The following VPS53 variants were observed in gnomAD, a reference collection of about 807,000 sequenced individuals.
VPS53 encodes the protein VPS53 subunit of GARP complex.
In VPS53, 70 loss-of-function variants were observed where a neutral mutation model predicts 107.0. The ratio of observed to expected loss-of-function variants is 0.65; its 90% CI spans 0.54 to 0.80. VPS53 has a LOEUF of 0.80. Ranked by LOEUF, VPS53 falls within the 30% of genes least tolerant of loss-of-function variation. The pLI, the probability that VPS53 is intolerant of heterozygous loss-of-function variation, is 0.00. For synonymous variants in VPS53, 409 were observed against 393.3 expected (o/e 1.04, Z -0.47); for missense variants, 917 against 1,049.4 (o/e 0.87, Z 1.74).
chr17:693,459 T>C (rs1001780245), intron 4 of VPS53, among the ~76,000 whole-genome samples: 2 of 152,172 alleles, frequency 1.3e-5, no homozygotes, highest in Non-Finnish European at 2.9e-5. Flanking sequence ...AAGTGTCTCA[T>C]GCCTATAATC....
intron 18 of VPS53, 70 bp downstream of exon 18, chr17:536,958 A>G: frequency 6.3e-7 from 1 of 1,576,028 alleles, no homozygotes; most frequent in South Asian, 1.2e-5. Flanking sequence ...TGTGAACCTG[A>G]AACTGTTCTA....
In VPS53 at chr17:551,837, G is replaced by A. The variant is rs370574638; in HGVS notation, c.1866+35C>T. On this transcript the variant is annotated intron_variant, in intron 17 of 21. Transcript: ENST00000437048. The stretch of plus-strand genomic sequence containing the variant: ...GTAGAAGCCACCTTGGGCTGCTCTC[G>A]TTAGTTTGTAGGATGCCATTTCCCA... 20 of 1,541,818 alleles carry A rather than the reference G, an allele frequency of 1.3e-5. No individual in the cohort carries two copies. The Admixed American group carries it at 1.5e-4, about 12-fold the overall frequency.
chr17:569,422 G>A (rs2151862000), intron 13 of VPS53, among the ~76,000 whole-genome samples: 1 of 152,234 alleles, frequency 6.6e-6, no homozygotes, highest in South Asian at 2.1e-4. Flanking sequence ...TAAGAAATCT[G>A]TACTATTTGT....
chr17:638,610 GGT>G (rs1970295325), intron 7 of VPS53, among the ~76,000 whole-genome samples: 1 of 152,074 alleles, frequency 6.6e-6, no homozygotes. Context: ...GGGCAGGCCT[GGT>G]GGTGAAAAAA....
At chr17:534,973 C>T (rs1157738016) in intron 18 of VPS53, among the ~76,000 whole-genome samples, 1 of 151,148 alleles carries the variant, frequency 6.6e-6, no homozygotes, top group African/African-American at 2.4e-5. Context: ...CTATACTAGT[C>T]TACAGGTGGC....
intron 4 of VPS53, among the ~76,000 whole-genome samples, chr17:669,889 TAA>T (rs1002640028): frequency 1.2e-4 from 16 of 132,312 alleles, no homozygotes; most frequent in Admixed American, 2.3e-4. Flanking sequence ...AGACTCCATC[TAA>T]AAAAAAAAAA....
At chr17:698,834 C>T (rs1164047984) in intron 3 of VPS53, among the ~76,000 whole-genome samples, 2 of 152,126 alleles carry the variant, frequency 1.3e-5, no homozygotes, top group African/African-American at 4.8e-5. Context: ...TGAAGACTGG[C>T]CAAAGCATTG....
chr17:657,783 G>T (rs1459480034), intron 5 of VPS53, among the ~76,000 whole-genome samples: 3 of 152,106 alleles, frequency 2.0e-5, no homozygotes, highest in Non-Finnish European at 4.4e-5. Flanking sequence ...CCGTGAGTTT[G>T]TGGATAGATA....
At chr17:576,379 T>C (rs143403021) in intron 13 of VPS53, among the ~76,000 whole-genome samples, 2,435 of 123,860 alleles carry the variant, frequency 0.02, 25 homozygotes, top group Middle Eastern at 0.062. Context: ...TCCCAGAGAA[T>C]CTCCCTCAGA....
rs58241310 is a variant in VPS53, at chr17:656,816, G to A, written c.373-863C>T. ...ATTTCACCCGCTGCTCTGTTTGGCC[G>A]CCAGTCTCTTGTCTCTCTCTTCAGC... On this transcript the variant is annotated intron_variant, in intron 5 of 21. Coordinates refer to ENST00000437048, the MANE Select transcript of VPS53 (RefSeq NM_001128159.3). 1.4e-4 allele frequency: 222 copies of A among 1,568,302 alleles called. 1 individual carries two copies. The East Asian group carries it at 1.7e-3, about 12-fold the overall frequency.
At chr17:601,525 C>G (rs949443204) in intron 12 of VPS53, among the ~76,000 whole-genome samples, 1 of 152,160 alleles carries the variant, frequency 6.6e-6, no homozygotes, top group African/African-American at 2.4e-5. Flanking sequence ...TGAGGCAGAG[C>G]AGAACTCTCC....
intron 17 of VPS53, chr17:537,989 G>A (rs9913815): frequency 0.17 from 25,696 of 152,312 alleles, 5,249 homozygotes; most frequent in African/African-American, 0.48. Context: ...GGAGCCAGGC[G>A]CAGGGGAGAG....
intron 8 of VPS53, among the ~76,000 whole-genome samples, chr17:629,636 G>A (rs1969857133): frequency 1.3e-5 from 2 of 151,780 alleles, no homozygotes; most frequent in African/African-American, 4.8e-5. Flanking sequence ...GGTGGCGGGT[G>A]CCTGTAGTCC....
At chr17:656,703 TGTGTG>T in intron 5 of VPS53, 1 of 27,774 alleles carries the variant, frequency 3.6e-5, no homozygotes. Context: ...CTAAGAAATG[TGTGTG>T]TGTGTGTGTG....
At chr17:651,872 C>T (rs141901527) in intron 7 of VPS53, among the ~76,000 whole-genome samples, 4 of 152,306 alleles carry the variant, frequency 2.6e-5, no homozygotes, top group Non-Finnish European at 4.4e-5. Context: ...CATCCTCCTT[C>T]GCTCTGAGAA....
At chr17:548,424 CCTTCTGG>C in intron 17 of VPS53, among the ~76,000 whole-genome samples, 2 of 149,656 alleles carry the variant, frequency 1.3e-5, no homozygotes, top group South Asian at 2.1e-4. Flanking sequence ...AGCCAACAGT[CCTTCTGG>C]AAATATCCAA....
chr17:526,708 T>C (rs1394438357), intron 19 of VPS53, among the ~76,000 whole-genome samples: 5 of 152,212 alleles, frequency 3.3e-5, no homozygotes, highest in Non-Finnish European at 5.9e-5. Context: ...CTGGCTAATG[T>C]TGTTGATGGG....
At chr17:598,263 C>T (rs1288969032) in intron 12 of VPS53, among the ~76,000 whole-genome samples, 1 of 152,222 alleles carries the variant, frequency 6.6e-6, no homozygotes, top group African/African-American at 2.4e-5. Context: ...TCACTCAGTG[C>T]TCAATGGTGC....
intron 11 of VPS53, among the ~76,000 whole-genome samples, chr17:618,933 C>CA (rs1235086231): frequency 1.6e-5 from 2 of 123,636 alleles, no homozygotes; most frequent in East Asian, 3.4e-4. Context: ...ACTACAGGCG[C>CA]CCACCACGCC....
Sources: allele counts gnomAD v4.1 joint callset (sites outside exome capture counted in the v4.1 genomes callset), GRCh38; gene constraint gnomAD v4.1.1; transcripts MANE v1.5; gene names NCBI Gene and HGNC (gene_info 2026-07-23, HGNC 2026-07-21).